Variants in ADTRP observed in about 807,000 individuals in gnomAD.
The protein encoded by ADTRP is androgen dependent TFPI regulating protein.
Under a neutral mutation model 27.0 loss-of-function variants are expected in ADTRP, and 20 were observed. That is an observed-to-expected ratio of 0.74 (90% CI 0.52 to 1.08). The LOEUF is 1.08. Ranked by LOEUF, ADTRP falls within the 50% of genes least tolerant of loss-of-function variation. The pLI, the probability that ADTRP is intolerant of heterozygous loss-of-function variation, is 0.00. For synonymous variants in ADTRP, 101 were observed against 105.2 expected, an observed-to-expected ratio of 0.96 and a Z score of 0.25; for missense variants, 251 against 275.0, an observed-to-expected ratio of 0.91 and a Z score of 0.62.
At position 11,745,935 on chromosome 6, in the gene ADTRP, C is replaced by A. The variant is rs745548327; in HGVS notation, c.391-10252G>T. On this transcript the variant is annotated intron_variant, in intron 3 of 5. Transcript: ENST00000414691. ...CCTCCCAAGTAGCTGGGATTACAGGCGTGTGCCATTGCACCTGGCTAATTC... is the reference window on the plus strand; with the variant it reads ...CCTCCCAAGTAGCTGGGATTACAGGAGTGTGCCATTGCACCTGGCTAATTC... Among the ~76,000 whole-genome samples the A allele has an allele frequency of 6.1e-4, 93 of 152,202 alleles. 2 individuals carry two copies. The highest frequency in any genetic ancestry group is 4.5e-3 in the Admixed American group (68 of 15,278).
intron 1 of ADTRP, among the ~76,000 whole-genome samples, chr6:11,768,756 G>A (rs927160449): frequency 6.6e-6 from 1 of 152,116 alleles, no homozygotes; most frequent in African/African-American, 2.4e-5. Flanking sequence ...GCAGATACAG[G>A]GTGGACAGAG....
At chr6:11,720,602 G>A (rs572846430) in intron 5 of ADTRP, among the ~76,000 whole-genome samples, 17 of 152,168 alleles carry the variant, frequency 1.1e-4, no homozygotes, top group African/African-American at 3.9e-4. Context: ...CTCCCGCGTA[G>A]CTGGGACTAC....
At chr6:11,768,098 G>T in intron 2 of ADTRP, 151 bp downstream of exon 2, 1 of 895,566 alleles carries the variant, frequency 1.1e-6, no homozygotes, top group Non-Finnish European at 1.7e-6. Flanking sequence ...AAGACACTGG[G>T]CAATGTGGCG....
rs7774351 is a variant in ADTRP at position 11,752,218 on chromosome 6, G to A, written c.390+14056C>T. On this transcript the variant is annotated intron_variant, in intron 3 of 5. Coordinates refer to ENST00000414691, the MANE Select transcript of ADTRP (RefSeq NM_032744.4). ...CATTACTTTCTTGTTGGTAAGCCAA[G>A]CATTTTAAAAAGATTTTTAAGAAAT... Among the ~76,000 whole-genome samples, 299 of 152,136 alleles carry A rather than the reference G, an allele frequency of 2.0e-3. 1 individual carries two copies. The highest frequency in any genetic ancestry group is 0.015 in the South Asian group (71 of 4,822).
chr6:11,723,215 G>C, intron 5 of ADTRP, 134 bp downstream of exon 5: 3 of 1,279,556 alleles, frequency 2.3e-6, no homozygotes, highest in Non-Finnish European at 3.3e-6. Context: ...GGCAGGACCT[G>C]TCTGAGTACT....
intron 1 of ADTRP, among the ~76,000 whole-genome samples, chr6:11,769,050 C>T (rs1343350503): frequency 6.6e-6 from 1 of 151,850 alleles, no homozygotes; most frequent in African/African-American, 2.4e-5. Flanking sequence ...TGTGTGGCCC[C>T]CAAAGCCAGG....
At chr6:11,756,939 A>G (rs1168010039) in intron 3 of ADTRP, among the ~76,000 whole-genome samples, 1 of 152,236 alleles carries the variant, frequency 6.6e-6, no homozygotes, top group Non-Finnish European at 1.5e-5. Context: ...AGGAAGCAAC[A>G]CAAGGGAAGA....
At chr6:11,721,557 A>G (rs1762026118) in intron 5 of ADTRP, among the ~76,000 whole-genome samples, 1 of 152,212 alleles carries the variant, frequency 6.6e-6, no homozygotes, top group African/African-American at 2.4e-5. Flanking sequence ...TCTGTTCAAG[A>G]TTTAATACAT....
At chr6:11,775,003 A>G (rs920463746) in intron 1 of ADTRP, among the ~76,000 whole-genome samples, 1 of 152,138 alleles carries the variant, frequency 6.6e-6, no homozygotes, top group Admixed American at 6.5e-5. Context: ...TGTCTGCTGG[A>G]GCCTGCAGAC....
At chr6:11,728,385 C>T (rs1762284002) in intron 4 of ADTRP, 1 of 152,570 alleles carries the variant, frequency 6.6e-6, no homozygotes, top group African/African-American at 2.4e-5. Context: ...TATTGAACCC[C>T]TTTGTTTCTT....
intron 2 of ADTRP, 42 bp downstream of exon 2, chr6:11,768,207 T>C: frequency 6.2e-7 from 1 of 1,610,602 alleles, no homozygotes; most frequent in Non-Finnish European, 8.5e-7. Context: ...TCTGTCCATA[T>C]GCACATTTCT....
Position 11,732,387 on chromosome 6 carries a change from T to C in ADTRP, c.506+3181A>G, listed in dbSNP as rs148992987. Among the ~76,000 whole-genome samples, 38 of 152,276 alleles carry C rather than the reference T, an allele frequency of 2.5e-4. 1 individual carries two copies. The highest frequency in any genetic ancestry group is 8.9e-4 in the African/African-American group (37 of 41,568). On this transcript the variant is annotated intron_variant, in intron 4 of 5. Transcript: ENST00000414691. ...CCATTTGACTGTCCAAACTGGCACATCTGACAGTGGGCCCATAGCCACTTC... is the reference window on the plus strand; with the variant it reads ...CCATTTGACTGTCCAAACTGGCACACCTGACAGTGGGCCCATAGCCACTTC...
chr6:11,716,597 T>C (rs901967433), intron 5 of ADTRP, among the ~76,000 whole-genome samples: 4 of 152,186 alleles, frequency 2.6e-5, no homozygotes, highest in Non-Finnish European at 5.9e-5. Flanking sequence ...TTCTTTTTGC[T>C]TCTAGCAGCT....
chr6:11,745,065 C>T (rs965994008), intron 3 of ADTRP, among the ~76,000 whole-genome samples: 1 of 152,122 alleles, frequency 6.6e-6, no homozygotes, highest in Admixed American at 6.5e-5. Context: ...CCTTGCTGAC[C>T]TATGAGGGTT....
chr6:11,719,518 C>A (rs1466267143), intron 5 of ADTRP, among the ~76,000 whole-genome samples: 1 of 152,110 alleles, frequency 6.6e-6, no homozygotes, highest in Non-Finnish European at 1.5e-5. Context: ...TTAAACTTCC[C>A]TAGTGTTTCT....
intron 1 of ADTRP, among the ~76,000 whole-genome samples, chr6:11,777,575 G>C (rs1764000265): frequency 6.6e-6 from 1 of 152,148 alleles, no homozygotes; most frequent in African/African-American, 2.4e-5. Context: ...AAAATTCCAT[G>C]ATTGAAACAA....
chr6:11,727,883 A>T (rs1762262243), intron 4 of ADTRP, among the ~76,000 whole-genome samples: 1 of 148,288 alleles, frequency 6.7e-6, no homozygotes, highest in African/African-American at 2.5e-5. Context: ...CCTGAATATG[A>T]GGGGAAGGTG....
chr6:11,738,088 T>C (rs1237458767), intron 3 of ADTRP, among the ~76,000 whole-genome samples: 1 of 152,206 alleles, frequency 6.6e-6, no homozygotes, highest in Non-Finnish European at 1.5e-5. Flanking sequence ...GTGCGTGTAA[T>C]ATGCTTAGTC....
At chr6:11,744,298 G>A (rs1158865213) in intron 3 of ADTRP, among the ~76,000 whole-genome samples, 2 of 152,192 alleles carry the variant, frequency 1.3e-5, no homozygotes, top group Admixed American at 6.5e-5. Flanking sequence ...CTGCAGAACC[G>A]TCAGCCAAAT....
Sources: allele counts gnomAD v4.1 joint callset (sites outside exome capture counted in the v4.1 genomes callset), GRCh38; gene constraint gnomAD v4.1.1; transcripts MANE v1.5; gene names NCBI Gene and HGNC (gene_info 2026-07-23, HGNC 2026-07-21).